DHX36: variants seen among roughly 807,000 people sequenced by gnomAD.
The protein encoded by DHX36 is DEAH-box helicase 36, also known as ATP-dependent DNA/RNA helicase DHX36.
A neutral mutation model predicts 139.0 loss-of-function variants in DHX36; 50 were observed. The ratio of observed to expected loss-of-function variants is 0.36; its 90% CI spans 0.29 to 0.46. DHX36 has a LOEUF of 0.46. Ranked by LOEUF, DHX36 falls within the 20% of genes least tolerant of loss-of-function variation. The pLI is 1.00. For missense variants in DHX36, 1,024 were observed against 1,211.3 expected (o/e 0.85, Z 2.29); for synonymous variants, 425 against 401.9 (o/e 1.06, Z -0.69).
intron 13 of DHX36, among the ~76,000 whole-genome samples, chr3:154,294,194 G>A (rs1711937302): frequency 6.6e-6 from 1 of 151,842 alleles, no homozygotes; most frequent in Non-Finnish European, 1.5e-5. Flanking sequence ...TGAATAATCA[G>A]GCAGATGCCC....
rs558792451 is a variant in DHX36, at chr3:154,324,277, C to G, written c.140G>C (p.Arg47Pro). The G allele has an allele frequency of 3.7e-6, 6 of 1,613,438 alleles. No homozygotes were observed. In the South Asian group the frequency reaches 4.4e-5, roughly 12 times the overall value. ...CCCGGGATGCCGGCCCCTGCCGCCT[C>G]GACCACCCCCTCCGCCGCCGCCGCC... ...GGGGGGGGGG[R>P]GGRGRHPGHL... The change falls in exon 1 of 25, where the codon CGA becomes CCA. Residue 47 changes from arginine to proline, a missense_variant. Transcript: ENST00000496811.
chr3:154,317,056 G>A (rs1178141661), intron 1 of DHX36, among the ~76,000 whole-genome samples: 3 of 151,978 alleles, frequency 2.0e-5, no homozygotes, highest in African/African-American at 4.8e-5. Flanking sequence ...GTCAAAAATC[G>A]AAAGAAAGAA....
In DHX36 at chr3:154,316,077, T is replaced by C. The variant is rs1427879174; in HGVS notation, c.330A>G (p.Ser110=). ...GAGCAAACCAGGATATCTGTGCTTC[T>C]GACTCTTTATCATTCTTCGCTTGAA... ...NSVQAKNDKE[S]EAQISWFAPE... is the part of the protein sequence containing the mutation. Residue 110 remains serine (S), a synonymous_variant, in exon 2 of 25, where the codon TCA becomes TCG. Coordinates refer to ENST00000496811, the MANE Select transcript of DHX36 (RefSeq NM_020865.3). The C allele has an allele frequency of 6.2e-7, 1 of 1,613,232 alleles. No individual in the cohort carries two copies. The highest frequency in any genetic ancestry group is 8.5e-7 in the Non-Finnish European group (1 of 1,179,560).
At chr3:154,294,828 T>C (rs896238196) in intron 13 of DHX36, among the ~76,000 whole-genome samples, 3 of 152,206 alleles carry the variant, frequency 2.0e-5, no homozygotes, top group African/African-American at 4.8e-5. Flanking sequence ...GGAAAGCGCC[T>C]GTATCTGATG....
In DHX36 at chr3:154,280,771, A is replaced by T; in HGVS notation, c.2468T>A (p.Ile823Lys). The T allele has an allele frequency of 6.2e-7, 1 of 1,613,260 alleles. No individual in the cohort carries two copies. The highest frequency in any genetic ancestry group is 1.3e-5 in the African/African-American group (1 of 75,004). The change falls in exon 21 of 25, where the codon ATA becomes AAA. Residue 823 changes from isoleucine (I) to lysine (K), a missense_variant. Ile to Lys is a moderately radical substitution (Grantham distance 102). This residue lies in a region of DHX36 where 470 missense variants were observed against 616.2 expected (regional missense o/e 0.76). Coordinates refer to ENST00000496811, the MANE Select transcript of DHX36 (RefSeq NM_020865.3). ...TGTGTTTCCTGCTGTACCTGAATTT[A>T]TATTAGATTCTGGATCTTTAGGATT... Reference protein sequence around the residue: ...SRNPKDPESNINSDNEKIIKA... With the variant: ...SRNPKDPESNKNSDNEKIIKA...
intron 11 of DHX36, 120 bp from the exon 12 acceptor site, chr3:154,300,045 A>G: frequency 2.9e-6 from 2 of 678,626 alleles, no homozygotes; most frequent in Non-Finnish European, 5.2e-6. Flanking sequence ...ATTTTCGTTA[A>G]TAATTAAAAG....
At chr3:154,322,529 A>C (rs1713231732) in intron 1 of DHX36, among the ~76,000 whole-genome samples, 1 of 152,196 alleles carries the variant, frequency 6.6e-6, no homozygotes, top group Non-Finnish European at 1.5e-5. Flanking sequence ...AGATTTGCTG[A>C]AATGAAGGGG....
At chr3:154,297,158 G>T (rs1183731013) in intron 12 of DHX36, among the ~76,000 whole-genome samples, 3 of 152,168 alleles carry the variant, frequency 2.0e-5, no homozygotes, top group African/African-American at 7.2e-5. Context: ...TAGATCAAAA[G>T]ATGTTGACAC....
chr3:154,304,988 G>A lies in DHX36; in HGVS notation c.969-16C>T, dbSNP rs773328906. 5.6e-6 allele frequency: 9 copies of A among 1,596,436 alleles called. No individual in the cohort carries two copies. The highest frequency in any genetic ancestry group is 1.1e-5 in the South Asian group (1 of 87,538). Reference sequence around the variant, plus strand: ...GGACAAATACCTAAGGCAGAAGTGTGAAGTACAAAATTTTAAAACCATTTT... The same window carrying A: ...GGACAAATACCTAAGGCAGAAGTGTAAAGTACAAAATTTTAAAACCATTTT... On this transcript the variant is annotated splice_polypyrimidine_tract_variant and intron_variant, in intron 7 of 24. Transcript: ENST00000496811.
At position 154,275,013 on chromosome 3, in the gene DHX36, G is replaced by T. The variant is rs1258954518; in HGVS notation, c.*1158C>A. ...TTAGACATTTACGAAAATATTTCAG[G>T]GACAAATAACAACTAAGATTCAGAG... On this transcript the variant is annotated 3_prime_UTR_variant, in exon 25 of 25. Coordinates refer to ENST00000496811, the MANE Select transcript of DHX36 (RefSeq NM_020865.3). The T allele has an allele frequency of 6.6e-6, 1 of 152,104 alleles. No individual in the cohort carries two copies. The highest frequency in any genetic ancestry group is 1.9e-4 in the East Asian group (1 of 5,190). The allele number at this position is 152,104 out of a possible 1,614,324, so 9.4% of individuals were successfully genotyped here. A position where few individuals can be genotyped will look rare whatever the true frequency, so the allele number is the denominator to read the frequency against.
At chr3:154,280,924 T>C (rs891026092) in intron 20 of DHX36, 62 bp from the exon 21 acceptor site, 57 of 1,203,918 alleles carry the variant, frequency 4.7e-5, no homozygotes, top group Middle Eastern at 3.9e-4. Flanking sequence ...CTATAAACCA[T>C]ACACTAATAG....
intron 1 of DHX36, among the ~76,000 whole-genome samples, chr3:154,321,785 CCT>C (rs1298119995): frequency 1.3e-5 from 2 of 152,106 alleles, no homozygotes; most frequent in Non-Finnish European, 2.9e-5. Context: ...ATGGCAAAAC[CCT>C]GTCTCTTCTA....
chr3:154,317,479 C>T (rs2108367350), intron 1 of DHX36, among the ~76,000 whole-genome samples: 1 of 151,938 alleles, frequency 6.6e-6, no homozygotes, highest in East Asian at 1.9e-4. Context: ...GACGGATGAC[C>T]AAGTCTGGCA....
At chr3:154,310,809 ATATAT>A in intron 4 of DHX36, among the ~76,000 whole-genome samples, 24 of 23,118 alleles carry the variant, frequency 1.0e-3, no homozygotes, top group African/African-American at 2.2e-3. Context: ...AAAAAAAAAT[ATATAT>A]ATATATATAT....
intron 6 of DHX36, 39 bp downstream of exon 6, chr3:154,306,177 C>T (rs1425688736): frequency 6.9e-7 from 1 of 1,456,478 alleles, no homozygotes; most frequent in Non-Finnish European, 9.6e-7. Context: ...CAAAGTTTCA[C>T]TAAAATCTGC....
chr3:154,303,818 G>A (rs910726983), intron 8 of DHX36, among the ~76,000 whole-genome samples: 37 of 152,080 alleles, frequency 2.4e-4, no homozygotes, highest in African/African-American at 8.2e-4. Context: ...CGGAATTAGC[G>A]GAGAAAGGTA....
At chr3:154,285,019 T>A (rs971775174) in intron 17 of DHX36, 32 bp from the exon 18 acceptor site, 22 of 1,610,244 alleles carry the variant, frequency 1.4e-5, no homozygotes, top group Admixed American at 1.2e-4. Context: ...TTAAAATAGA[T>A]CCTGTAAAGC....
At chr3:154,310,967 C>G (rs1242264589) in intron 4 of DHX36, among the ~76,000 whole-genome samples, 1 of 149,336 alleles carries the variant, frequency 6.7e-6, no homozygotes, top group Non-Finnish European at 1.5e-5. Context: ...GGTAAATACT[C>G]AGAAGTGAAA....
At chr3:154,308,310 AAGTGC>A (rs1429273987) in intron 5 of DHX36, among the ~76,000 whole-genome samples, 3 of 152,218 alleles carry the variant, frequency 2.0e-5, no homozygotes, top group Non-Finnish European at 2.9e-5. Flanking sequence ...ATTTACTGCC[AAGTGC>A]TGTCATAATT....
Sources: gnomAD v4.1 joint callset for allele counts (sites outside exome capture counted in the v4.1 genomes callset) on GRCh38, gnomAD v4.1.1 for gene constraint, gnomAD v4.1.1 regional missense constraint, MANE v1.5 for transcripts, NCBI Gene and HGNC (gene_info 2026-07-23, HGNC 2026-07-21) for gene names.